The following CNTNAP2 variants were observed in gnomAD, a reference collection of about 807,000 sequenced individuals.
The protein encoded by CNTNAP2 is contactin associated protein 2, also known as contactin-associated protein-like 2.
CNTNAP2 carries 98 observed loss-of-function variants against 155.2 expected under a neutral mutation model. The observed-to-expected ratio is 0.63, with a 90% confidence interval of 0.54 to 0.75. CNTNAP2 has a LOEUF of 0.75. Ranked by LOEUF, CNTNAP2 falls within the 30% of genes least tolerant of loss-of-function variation. The pLI, the probability that CNTNAP2 is intolerant of heterozygous loss-of-function variation, is 0.00. For missense variants in CNTNAP2, 1,727 were observed against 1,688.1 expected (o/e 1.02, Z -0.40); for synonymous variants, 651 against 631.2 (o/e 1.03, Z -0.47).
At chr7:148,105,585 A>T (rs10252414) in intron 15 of CNTNAP2, among the ~76,000 whole-genome samples, 2,336 of 134,086 alleles carry the variant, frequency 0.017, 25 homozygotes, top group African/African-American at 0.051. Flanking sequence ...TTTATTTTTT[A>T]TTTTTTTTTT....
At chr7:147,048,923 A>G (rs1161091569) in intron 4 of CNTNAP2, among the ~76,000 whole-genome samples, 2 of 152,190 alleles carry the variant, frequency 1.3e-5, no homozygotes, top group African/African-American at 4.8e-5. Flanking sequence ...TTTACTGTCA[A>G]TAATGTAATA....
chr7:146,228,326 C>T (rs1402333652), intron 1 of CNTNAP2, among the ~76,000 whole-genome samples: 2 of 152,192 alleles, frequency 1.3e-5, no homozygotes, highest in Admixed American at 1.3e-4. Flanking sequence ...AAACTCTCAA[C>T]AGCATAACTT....
At chr7:148,381,853 C>G (rs2116655112) in intron 21 of CNTNAP2, among the ~76,000 whole-genome samples, 1 of 100,288 alleles carries the variant, frequency 1.0e-5, no homozygotes, top group Non-Finnish European at 2.0e-5. Context: ...TCCAGAGCAT[C>G]TACTTACTGC....
chr7:146,621,346 T>G (rs1422614770), intron 1 of CNTNAP2, among the ~76,000 whole-genome samples: 1 of 152,222 alleles, frequency 6.6e-6, no homozygotes, highest in African/African-American at 2.4e-5. Flanking sequence ...AATATGCATA[T>G]ATTAAGCCTA....
intron 1 of CNTNAP2, among the ~76,000 whole-genome samples, chr7:146,402,521 C>T (rs1035662796): frequency 6.6e-6 from 1 of 151,964 alleles, no homozygotes; most frequent in African/African-American, 2.4e-5. Flanking sequence ...ACTTATGTTA[C>T]AAAAGAAATT....
At chr7:146,193,355 C>T (rs1019973659) in intron 1 of CNTNAP2, among the ~76,000 whole-genome samples, 3 of 152,204 alleles carry the variant, frequency 2.0e-5, no homozygotes, top group Non-Finnish European at 4.4e-5. Context: ...CCCTCCCCTG[C>T]AGCAAACTTC....
At chr7:148,260,670 C>T (rs73170580) in intron 20 of CNTNAP2, among the ~76,000 whole-genome samples, 1 of 152,316 alleles carries the variant, frequency 6.6e-6, no homozygotes, top group Non-Finnish European at 1.5e-5. Context: ...CGTGCAGTTT[C>T]CTAGTGGCCC....
At chr7:147,836,306 T>C (rs187420005) in intron 13 of CNTNAP2, among the ~76,000 whole-genome samples, 72 of 152,248 alleles carry the variant, frequency 4.7e-4, no homozygotes, top group East Asian at 1.9e-4. Flanking sequence ...TATAAAAGGC[T>C]CTGTCTACCT....
chr7:147,274,004 T>G (rs1804829876), intron 8 of CNTNAP2, among the ~76,000 whole-genome samples: 1 of 149,822 alleles, frequency 6.7e-6, no homozygotes, highest in African/African-American at 2.4e-5. Context: ...TATTACATAT[T>G]ACATATATAC....
chr7:146,787,740 T>C lies in CNTNAP2; in HGVS notation c.208+13359T>C, dbSNP rs539241993. ...CTGGCCCCACCCACATCCTGCTGATTGGTCCATTTTACAGAGAGCCGATTG... is the reference window on the plus strand; with the variant it reads ...CTGGCCCCACCCACATCCTGCTGATCGGTCCATTTTACAGAGAGCCGATTG... On this transcript the variant is annotated intron_variant, in intron 2 of 23. Transcript: ENST00000361727. Among the ~76,000 whole-genome samples the C allele has an allele frequency of 2.6e-4, 40 of 152,298 alleles. 1 individual carries two copies. The highest frequency in any genetic ancestry group is 9.4e-4 in the African/African-American group (39 of 41,574).
chr7:147,109,905 ATTTATT>A (rs1297535964), intron 5 of CNTNAP2, among the ~76,000 whole-genome samples: 1 of 148,894 alleles, frequency 6.7e-6, no homozygotes, highest in Non-Finnish European at 1.5e-5. Flanking sequence ...GTATTTATTT[ATTTATT>A]TATTTATTTA....
At chr7:148,124,685 T>C (rs1804676231) in intron 16 of CNTNAP2, among the ~76,000 whole-genome samples, 2 of 152,250 alleles carry the variant, frequency 1.3e-5, no homozygotes, top group Admixed American at 1.3e-4. Flanking sequence ...TTATTAACTT[T>C]TGTAGTTTAC....
intron 1 of CNTNAP2, among the ~76,000 whole-genome samples, chr7:146,585,353 C>T (rs1340901340): frequency 2.6e-5 from 4 of 152,000 alleles, no homozygotes; most frequent in South Asian, 2.1e-4. Flanking sequence ...ATCTCCTGAC[C>T]TCGTGATCCA....
chr7:146,905,852 GA>G (rs1191268537), intron 3 of CNTNAP2, among the ~76,000 whole-genome samples: 1 of 152,218 alleles, frequency 6.6e-6, no homozygotes, highest in Non-Finnish European at 1.5e-5. Context: ...GAGCGATGCA[GA>G]AGATGGGTGA....
chr7:147,480,423 G>A (rs1192886334), intron 10 of CNTNAP2, among the ~76,000 whole-genome samples: 1 of 152,140 alleles, frequency 6.6e-6, no homozygotes, highest in Non-Finnish European at 1.5e-5. Context: ...TATGTATGTG[G>A]TCTAAGCATG....
chr7:146,632,568 AT>A (rs1342993277), intron 1 of CNTNAP2, among the ~76,000 whole-genome samples: 3 of 152,120 alleles, frequency 2.0e-5, no homozygotes, highest in Non-Finnish European at 2.9e-5. Context: ...TTTCAAGTTA[AT>A]TATTCAAAAA....
intron 1 of CNTNAP2, among the ~76,000 whole-genome samples, chr7:146,156,041 T>A (rs540995231): frequency 6.6e-6 from 1 of 152,256 alleles, no homozygotes; most frequent in Non-Finnish European, 1.5e-5. Flanking sequence ...AATTCCTGTT[T>A]TTTTATATCA....
intron 3 of CNTNAP2, among the ~76,000 whole-genome samples, chr7:146,917,770 C>T (rs1470235403): frequency 1.3e-5 from 2 of 152,122 alleles, no homozygotes; most frequent in South Asian, 4.1e-4. Context: ...TGTACAATTT[C>T]TCTCTTTGCC....
At chr7:146,164,393 G>A (rs1330552770) in intron 1 of CNTNAP2, among the ~76,000 whole-genome samples, 1 of 152,122 alleles carries the variant, frequency 6.6e-6, no homozygotes, top group Non-Finnish European at 1.5e-5. Context: ...GTTATTTAGG[G>A]AAGGCAGTGT....
Sources: allele counts gnomAD v4.1 joint callset (sites outside exome capture counted in the v4.1 genomes callset), GRCh38; gene constraint gnomAD v4.1.1; transcripts MANE v1.5; gene names NCBI Gene and HGNC (gene_info 2026-07-23, HGNC 2026-07-21).